Variants in FER observed in about 807,000 individuals in gnomAD.
FER encodes the protein tyrosine-protein kinase Fer.
Under a neutral mutation model 111.0 loss-of-function variants are expected in FER, and 63 were observed. That is an observed-to-expected ratio of 0.57 (90% CI 0.46 to 0.70). FER has a LOEUF of 0.70. Ranked by LOEUF, FER falls within the 30% of genes least tolerant of loss-of-function variation. The pLI is 0.00. For missense variants in FER, 914 were observed against 954.0 expected (o/e 0.96, Z 0.55); for synonymous variants, 327 against 313.9 (o/e 1.04, Z -0.44).
chr5:108,785,419 A>G (rs1443170662), intron 2 of FER: 7 of 584,996 alleles, frequency 1.2e-5, no homozygotes, highest in South Asian at 4.1e-5. Flanking sequence ...AACTGAAGCA[A>G]GAAGTTATTA....
rs1219615013 is a variant in FER at position 108,781,471 on chromosome 5, C to T, written c.-60+13233C>T. Among the ~76,000 whole-genome samples the T allele has an allele frequency of 1.4e-4, 22 of 152,308 alleles. No individual in the cohort carries two copies. In the South Asian group the frequency reaches 3.9e-3, roughly 27 times the overall value. Reference sequence around the variant, plus strand: ...CCTCCCAAAGTGCTGGGATTACAGGCGTGAGCCACCGTGCCCAGCCCAGCC... The same window carrying T: ...CCTCCCAAAGTGCTGGGATTACAGGTGTGAGCCACCGTGCCCAGCCCAGCC... On this transcript the variant is annotated intron_variant, in intron 2 of 19. Transcript: ENST00000281092.
intron 13 of FER, among the ~76,000 whole-genome samples, chr5:108,993,407 C>T (rs931741365): frequency 5.9e-5 from 9 of 152,172 alleles, no homozygotes; most frequent in Non-Finnish European, 8.8e-5. Flanking sequence ...GGCGTGGCCG[C>T]GCGCGCCTGC....
intron 13 of FER, among the ~76,000 whole-genome samples, chr5:109,028,601 C>T (rs1041140188): frequency 6.6e-6 from 1 of 152,264 alleles, no homozygotes; most frequent in African/African-American, 2.4e-5. Context: ...CTCTCAGAAC[C>T]TCAGAGTCCT....
Position 108,970,563 on chromosome 5 carries a change from C to T in FER, c.1656+11216C>T, listed in dbSNP as rs376280262. The stretch of plus-strand genomic sequence containing the variant: ...GTGTTTACAGCCAATAAGTTGGTTT[C>T]TTGAACCTCAATTTGAAAAGTATTT... On this transcript the variant is annotated intron_variant, in intron 13 of 19. Transcript: ENST00000281092. Among the ~76,000 whole-genome samples, 5 of 152,192 alleles carry T rather than the reference C, an allele frequency of 3.3e-5. No individual in the cohort carries two copies. The South Asian group carries it at 1.0e-3, about 32-fold the overall frequency.
chr5:108,919,359 T>C (rs994581591), intron 10 of FER, among the ~76,000 whole-genome samples: 1 of 152,110 alleles, frequency 6.6e-6, no homozygotes. Flanking sequence ...AAAATTTAGC[T>C]ATTGTATGAA....
intron 13 of FER, among the ~76,000 whole-genome samples, chr5:108,994,173 A>G (rs1324109170): frequency 6.6e-6 from 1 of 152,028 alleles, no homozygotes; most frequent in Non-Finnish European, 1.5e-5. Flanking sequence ...ATTGCTTTTG[A>G]TATATTAATC....
chr5:108,763,196 C>T (rs1183203042), intron 1 of FER, among the ~76,000 whole-genome samples: 1 of 152,126 alleles, frequency 6.6e-6, no homozygotes, highest in African/African-American at 2.4e-5. Flanking sequence ...TAACCATTAA[C>T]TCTGAAACTC....
rs760729922 is a variant in FER, at chr5:109,102,825, T to C, written c.2048+2306T>C. On this transcript the variant is annotated intron_variant, in intron 17 of 19. Transcript: ENST00000281092. ...TTTAGTACTTCACCAATTCATACTA[T>C]TGTATTGATAAAATAAATTATTCTT... Among the ~76,000 whole-genome samples, 54 of 152,126 alleles carry C rather than the reference T, an allele frequency of 3.5e-4. 1 individual carries two copies. Among genetic ancestry groups the C allele is most frequent in the Non-Finnish European group, 5.3e-4 (36 of 68,010 alleles).
At chr5:108,829,245 C>T (rs1759788455) in intron 3 of FER, among the ~76,000 whole-genome samples, 1 of 152,138 alleles carries the variant, frequency 6.6e-6, no homozygotes, top group South Asian at 2.1e-4. Flanking sequence ...ATTTGCATTA[C>T]ATGCTGCTCT....
intron 17 of FER, among the ~76,000 whole-genome samples, chr5:109,116,182 G>A (rs530601436): frequency 1.8e-4 from 28 of 152,080 alleles, no homozygotes; most frequent in African/African-American, 6.3e-4. Flanking sequence ...GCAGTGTCCC[G>A]AAGAGGTCGC....
intron 13 of FER, among the ~76,000 whole-genome samples, chr5:108,977,008 G>C (rs1387298794): frequency 6.6e-6 from 1 of 152,168 alleles, no homozygotes; most frequent in Non-Finnish European, 1.5e-5. Context: ...AGAACCACAA[G>C]AGATCACTTT....
At chr5:108,930,237 C>G (rs1754362294) in intron 10 of FER, among the ~76,000 whole-genome samples, 1 of 151,058 alleles carries the variant, frequency 6.6e-6, no homozygotes. Flanking sequence ...GTCTCAAACT[C>G]CTGGCTTCAA....
intron 16 of FER, among the ~76,000 whole-genome samples, chr5:109,056,506 TAAAAA>T (rs141276707): frequency 2.0e-5 from 3 of 151,794 alleles, no homozygotes; most frequent in Non-Finnish European, 1.5e-5. Context: ...TATGGAATCT[TAAAAA>T]AAAGTCAGAT....
chr5:108,821,899 A>G (rs1289581809), intron 3 of FER, among the ~76,000 whole-genome samples: 1 of 152,152 alleles, frequency 6.6e-6, no homozygotes, highest in Non-Finnish European at 1.5e-5. Context: ...TTCAAAGTGT[A>G]TAATAAATTA....
chr5:108,902,496 T>G (rs1009230094), intron 10 of FER, among the ~76,000 whole-genome samples: 4 of 152,188 alleles, frequency 2.6e-5, no homozygotes, highest in African/African-American at 7.2e-5. Flanking sequence ...ACAGTAATAT[T>G]GACTGCAGGA....
chr5:109,082,260 T>C (rs1451336571), intron 16 of FER, among the ~76,000 whole-genome samples: 1 of 152,048 alleles, frequency 6.6e-6, no homozygotes, highest in Non-Finnish European at 1.5e-5. Context: ...CTGAAGAGCT[T>C]ACTGTGTGAC....
At chr5:109,013,800 T>C (rs1206844883) in intron 13 of FER, among the ~76,000 whole-genome samples, 1 of 149,640 alleles carries the variant, frequency 6.7e-6, no homozygotes, top group African/African-American at 2.4e-5. Flanking sequence ...GGTATCTCAT[T>C]GTGGTTTTGA....
intron 17 of FER, among the ~76,000 whole-genome samples, chr5:109,167,394 A>T (rs1459370278): frequency 6.6e-6 from 1 of 152,196 alleles, no homozygotes; most frequent in African/African-American, 2.4e-5. Flanking sequence ...GTGTTCCTAG[A>T]ACATACAAAT....
rs569164642 is a variant in FER at position 108,866,993 on chromosome 5, G to T, written c.482-774G>T. Among the ~76,000 whole-genome samples, 42 of 152,160 alleles carry T rather than the reference G, an allele frequency of 2.8e-4. 2 individuals are homozygous for T. In the South Asian group the frequency reaches 8.5e-3, roughly 31 times the overall value. On this transcript the variant is annotated intron_variant, in intron 5 of 19. Coordinates refer to ENST00000281092, the MANE Select transcript of FER (RefSeq NM_005246.4). ...ACATGAAGTCTAAATTTCTCTGCTT[G>T]ATTTTCAAGTCATTCAGCACCTAGA...
Sources: allele counts gnomAD v4.1 joint callset (sites outside exome capture counted in the v4.1 genomes callset), GRCh38; gene constraint gnomAD v4.1.1; transcripts MANE v1.5; gene names NCBI Gene and HGNC (gene_info 2026-07-23, HGNC 2026-07-21).